Variants in XRN2 observed in about 807,000 individuals in gnomAD.
XRN2 encodes 5'-3' exoribonuclease 2, also known as DHM1-like protein.
Under a neutral mutation model 138.5 loss-of-function variants are expected in XRN2, and 44 were observed. The observed-to-expected ratio is 0.32, with a 90% CI of 0.25 to 0.41. The LOEUF (loss-of-function observed/expected upper bound fraction) is 0.41, where lower values mean the gene tolerates loss of function less well. Ranked by LOEUF, XRN2 falls within the 10% of genes least tolerant of loss-of-function variation. XRN2 has a pLI of 1.00. For missense variants in XRN2, 937 were observed against 1,169.3 expected, an observed-to-expected ratio of 0.80 and a Z score of 2.90; for synonymous variants, 354 against 369.4, an observed-to-expected ratio of 0.96 and a Z score of 0.48.
At chr20:21,331,502 G>C (rs2038208967) in intron 6 of XRN2, 59 bp from the exon 7 acceptor site, 5 of 1,427,404 alleles carry the variant, frequency 3.5e-6, no homozygotes, top group Non-Finnish European at 4.9e-6. Flanking sequence ...TAATTCTTTT[G>C]ATTTTTGTGC....
chr20:21,312,602 ATTTTTTTTT>A (rs375836250), intron 1 of XRN2, among the ~76,000 whole-genome samples: 97,652 of 138,902 alleles, frequency 0.7, 33,250 homozygotes, highest in South Asian at 0.84. Context: ...AAACCCCAAG[ATTTTTTTTT>A]TTTTTTTTTT....
chr20:21,308,794 CT>C (rs1222692051), intron 1 of XRN2, among the ~76,000 whole-genome samples: 1 of 152,104 alleles, frequency 6.6e-6, no homozygotes, highest in East Asian at 1.9e-4. Flanking sequence ...TTAACAGTGT[CT>C]TGGGAGCAAA....
At chr20:21,313,633 A>G (rs2037917044) in intron 1 of XRN2, among the ~76,000 whole-genome samples, 1 of 152,242 alleles carries the variant, frequency 6.6e-6, no homozygotes, top group African/African-American at 2.4e-5. Context: ...ATTAATGTTT[A>G]GTAGTTTATG....
intron 27 of XRN2, among the ~76,000 whole-genome samples, chr20:21,375,221 G>T (rs1330634557): frequency 1.4e-4 from 20 of 143,644 alleles, no homozygotes; most frequent in African/African-American, 4.3e-4. Flanking sequence ...TAATTTTATT[G>T]TTTTTTTTTC....
chr20:21,346,878 A>G (rs998367825), intron 17 of XRN2, among the ~76,000 whole-genome samples: 2 of 152,040 alleles, frequency 1.3e-5, no homozygotes, highest in African/African-American at 4.8e-5. Context: ...CAGCCTCCTA[A>G]AGTAGTGGGA....
chr20:21,374,343 A>G (rs1331504702), intron 27 of XRN2, among the ~76,000 whole-genome samples: 1 of 152,158 alleles, frequency 6.6e-6, no homozygotes, highest in Non-Finnish European at 1.5e-5. Context: ...TGCACAAGCT[A>G]GGACCTCTCA....
intron 13 of XRN2, among the ~76,000 whole-genome samples, chr20:21,335,192 A>G (rs1156901019): frequency 1.3e-5 from 2 of 152,178 alleles, no homozygotes. Flanking sequence ...TGGTGAGCTG[A>G]TAGGAGTGGA....
intron 23 of XRN2, among the ~76,000 whole-genome samples, chr20:21,357,281 G>C (rs1430259805): frequency 1.3e-5 from 2 of 152,190 alleles, no homozygotes; most frequent in Non-Finnish European, 2.9e-5. Flanking sequence ...CACATGTCAA[G>C]GGTACATTTC....
rs2037814657 is a variant in XRN2, at chr20:21,306,344, A to C, written c.75+2871A>C. 2.7e-5 allele frequency among the ~76,000 whole-genome samples: 2 copies of C among 74,774 alleles called. 1 individual carries two copies. Among genetic ancestry groups the C allele is most frequent in the Admixed American group, 3.2e-4 (2 of 6,234 alleles). 49.1% of individuals were successfully genotyped at this position (74,774 alleles called of 152,430 possible). On this transcript the variant is annotated intron_variant, in intron 1 of 29. Coordinates refer to ENST00000377191, the MANE Select transcript of XRN2 (RefSeq NM_012255.5). The stretch of plus-strand genomic sequence containing the variant: ...GAGACGGAGTTTCACCATGTTGGCC[A>C]AGCTGATCTTGAACTCCTGACCTCA...
intron 20 of XRN2, among the ~76,000 whole-genome samples, chr20:21,352,106 TA>T (rs1357791888): frequency 6.6e-6 from 1 of 152,234 alleles, no homozygotes; most frequent in African/African-American, 2.4e-5. Context: ...TTTATATAAA[TA>T]TTTTTACTTA....
intron 24 of XRN2, among the ~76,000 whole-genome samples, chr20:21,362,010 C>T (rs945021223): frequency 3.3e-5 from 5 of 152,124 alleles, no homozygotes; most frequent in Non-Finnish European, 7.4e-5. Context: ...TAAATAGTGT[C>T]CTCATCTTTG....
chr20:21,368,382 A>G (rs960788443), intron 26 of XRN2, 81 bp from the exon 27 acceptor site: 2 of 1,543,470 alleles, frequency 1.3e-6, no homozygotes, highest in Non-Finnish European at 8.8e-7. Flanking sequence ...GGCTATGAGC[A>G]TTTGTTTTAT....
At chr20:21,337,599 G>C (rs988624795) in intron 13 of XRN2, among the ~76,000 whole-genome samples, 1 of 152,064 alleles carries the variant, frequency 6.6e-6, no homozygotes, top group Non-Finnish European at 1.5e-5. Context: ...GAAGTGGAGA[G>C]ATCCAAGTAC....
chr20:21,314,219 ATAT>A (rs2037926445), intron 1 of XRN2, among the ~76,000 whole-genome samples: 1 of 152,088 alleles, frequency 6.6e-6, no homozygotes, highest in Non-Finnish European at 1.5e-5. Flanking sequence ...CTTTCACTTA[ATAT>A]TATGTTTTCA....
chr20:21,358,023 A>T (rs190653841), intron 24 of XRN2, among the ~76,000 whole-genome samples: 35 of 152,312 alleles, frequency 2.3e-4, no homozygotes, highest in Admixed American at 1.8e-3. Flanking sequence ...CTGGTTTCCC[A>T]TGACAACCTG....
intron 27 of XRN2, among the ~76,000 whole-genome samples, chr20:21,378,701 A>C (rs914958482): frequency 2.0e-5 from 3 of 152,246 alleles, no homozygotes; most frequent in Admixed American, 6.5e-5. Context: ...AGCTTGTTTT[A>C]GTAAGATTGA....
chr20:21,354,745 T>G (rs763209580), intron 20 of XRN2, 44 bp from the exon 21 acceptor site: 1 of 1,576,014 alleles, frequency 6.3e-7, no homozygotes, highest in Admixed American at 1.7e-5. Flanking sequence ...GGAATTTGGG[T>G]GATCCTGGTA....
At chr20:21,339,464 G>C (rs190153969) in intron 14 of XRN2, among the ~76,000 whole-genome samples, 1 of 152,154 alleles carries the variant, frequency 6.6e-6, no homozygotes, top group African/African-American at 2.4e-5. Context: ...CTCTAAACTT[G>C]TTTCTCTGCT....
chr20:21,334,288 T>C (rs2038256266), intron 13 of XRN2, 103 bp downstream of exon 13: 4 of 924,276 alleles, frequency 4.3e-6, no homozygotes, highest in South Asian at 1.6e-5. Context: ...TTTATATCAT[T>C]ATGGTGTGTC....
Sources: gnomAD v4.1 joint callset for allele counts (sites outside exome capture counted in the v4.1 genomes callset) on GRCh38, gnomAD v4.1.1 for gene constraint, MANE v1.5 for transcripts, NCBI Gene and HGNC (gene_info 2026-07-23, HGNC 2026-07-21) for gene names.